Variants in PLCE1 observed in about 807,000 individuals in gnomAD.
The protein encoded by PLCE1 is 1-phosphatidylinositol 4,5-bisphosphate phosphodiesterase epsilon-1.
A neutral mutation model predicts 242.8 loss-of-function variants in PLCE1; 119 were observed. The observed-to-expected ratio is 0.49, with a 90% CI of 0.42 to 0.57. The LOEUF is 0.57. Ranked by LOEUF, PLCE1 falls within the 20% of genes least tolerant of loss-of-function variation. The pLI, the probability that PLCE1 is intolerant of heterozygous loss-of-function variation, is 0.00. For missense variants in PLCE1, 2,441 were observed against 2,788.8 expected (o/e 0.88, Z 2.81); for synonymous variants, 945 against 1,017.4 (o/e 0.93, Z 1.35).
chr10:94,283,978 T>A, intron 21 of PLCE1, 67 bp downstream of exon 21: 3 of 1,557,468 alleles, frequency 1.9e-6, no homozygotes, highest in Non-Finnish European at 2.6e-6. Flanking sequence ...TCAGATGAGA[T>A]TCCACTTGCT....
intron 2 of PLCE1, among the ~76,000 whole-genome samples, chr10:94,090,778 C>T (rs2045036474): frequency 6.6e-6 from 1 of 152,138 alleles, no homozygotes; most frequent in African/African-American, 2.4e-5. Context: ...TGGAAACAGA[C>T]TGGCAGCAGT....
At chr10:94,231,454 CTAG>C (rs1281133080) in intron 5 of PLCE1, among the ~76,000 whole-genome samples, 1 of 152,186 alleles carries the variant, frequency 6.6e-6, no homozygotes, top group East Asian at 1.9e-4. Flanking sequence ...AAGCTTCCAA[CTAG>C]CTCTCCCTCC....
intron 2 of PLCE1, among the ~76,000 whole-genome samples, chr10:94,066,560 A>G (rs1022380896): frequency 6.6e-6 from 1 of 152,078 alleles, no homozygotes; most frequent in African/African-American, 2.4e-5. Flanking sequence ...TGAAGTGGCC[A>G]TGCCCTTCTG....
At chr10:94,056,898 C>T (rs2043921024) in intron 2 of PLCE1, among the ~76,000 whole-genome samples, 1 of 143,104 alleles carries the variant, frequency 7.0e-6, no homozygotes, top group Non-Finnish European at 1.5e-5. Context: ...TATGGAATCA[C>T]GCAATGTTTG....
intron 3 of PLCE1, among the ~76,000 whole-genome samples, chr10:94,146,324 C>A (rs544791002): frequency 2.6e-5 from 4 of 152,094 alleles, no homozygotes; most frequent in African/African-American, 9.6e-5. Flanking sequence ...TTAGCATCAC[C>A]GGGAGAAAAA....
intron 2 of PLCE1, among the ~76,000 whole-genome samples, chr10:94,038,118 C>T (rs1408359229): frequency 1.3e-5 from 2 of 152,084 alleles, no homozygotes; most frequent in Non-Finnish European, 2.9e-5. Context: ...ACTCAAGCTG[C>T]CCTTTGAATG....
intron 13 of PLCE1, among the ~76,000 whole-genome samples, chr10:94,260,442 CA>C (rs1349225750): frequency 1.3e-5 from 2 of 152,102 alleles, no homozygotes; most frequent in Non-Finnish European, 2.9e-5. Flanking sequence ...AATAGCAAAA[CA>C]AAAAACTTTC....
chr10:94,100,563 C>T (rs2045493431), intron 2 of PLCE1: 1 of 152,150 alleles, frequency 6.6e-6, no homozygotes, highest in African/African-American at 2.4e-5. Context: ...TGGTGTAAAA[C>T]AATGAAATCA....
At chr10:94,303,107 T>C (rs555425005) in intron 24 of PLCE1, among the ~76,000 whole-genome samples, 25 of 152,242 alleles carry the variant, frequency 1.6e-4, no homozygotes, top group Non-Finnish European at 2.5e-4. Context: ...TAAGACATCT[T>C]ACACTAGGAA....
intron 8 of PLCE1, among the ~76,000 whole-genome samples, 173 bp from the exon 9 acceptor site, chr10:94,252,143 T>C (rs2050900844): frequency 6.6e-6 from 1 of 152,228 alleles, no homozygotes; most frequent in Non-Finnish European, 1.5e-5. Context: ...ATGATGAAAT[T>C]CCTGACAGAG....
In PLCE1 at chr10:94,313,269, G is replaced by C. The variant is rs779637729; in HGVS notation, c.6019G>C (p.Glu2007Gln). 1.2e-6 allele frequency: 2 copies of C among 1,614,112 alleles called. No homozygotes were observed. The highest frequency in any genetic ancestry group is 1.7e-6 in the Non-Finnish European group (2 of 1,179,980). Residue 2007 changes from glutamate (E) to glutamine (Q), a missense_variant, in exon 28 of 33, where the codon GAA (glutamate) becomes CAA (glutamine). This residue lies in a region of PLCE1 where 1,004 missense variants were observed against 1,322.7 expected (regional missense o/e 0.76). Coordinates refer to ENST00000371380, the MANE Select transcript of PLCE1 (RefSeq NM_016341.4). ...MSASSMFNTE[E>Q]RKCLQTHRVT... is the part of the protein sequence containing the mutation. ...TTCTTGACAGATGTTTAATACAGAAGAAAGAAAATGTTTGCAGACTCACAG... is the reference window on the plus strand; with the variant it reads ...TTCTTGACAGATGTTTAATACAGAACAAAGAAAATGTTTGCAGACTCACAG...
chr10:94,313,747 G>A (rs193283795), intron 28 of PLCE1, among the ~76,000 whole-genome samples: 6 of 150,772 alleles, frequency 4.0e-5, no homozygotes, highest in East Asian at 4.0e-4. Flanking sequence ...CCTTCTTCAC[G>A]CAGAGATTAT....
In PLCE1 at chr10:94,252,372, C is replaced by T; in HGVS notation, c.3153C>T (p.Gly1051=). The T allele has an allele frequency of 1.2e-6, 2 of 1,614,058 alleles. No homozygotes were observed. The highest frequency in any genetic ancestry group is 1.7e-6 in the Non-Finnish European group (2 of 1,179,976). ...TLAHAVELFG[G]RRWSARNPSP... ...CTCACGCTGTGGAGTTGTTTGGTGG[C>T]AGACGGTGGAGTGCTCGAAACCCCA... is the stretch of plus-strand genomic sequence containing the variant. The change falls in exon 9 of 33, where the codon GGC becomes GGT. Residue 1051 remains glycine, a synonymous_variant. Coordinates refer to ENST00000371380, the MANE Select transcript of PLCE1 (RefSeq NM_016341.4).
At chr10:94,262,216 G>A (rs887828760) in intron 13 of PLCE1, among the ~76,000 whole-genome samples, 1 of 151,908 alleles carries the variant, frequency 6.6e-6, no homozygotes, top group Non-Finnish European at 1.5e-5. Context: ...GGCCAGGCTG[G>A]TCTTGAGCTC....
chr10:94,243,894 C>T (rs1432494272), intron 7 of PLCE1, among the ~76,000 whole-genome samples: 5 of 152,174 alleles, frequency 3.3e-5, no homozygotes, highest in Non-Finnish European at 5.9e-5. Flanking sequence ...ATACCATATG[C>T]ATTCTTGTGT....
chr10:94,001,659 A>G (rs914238052), intron 1 of PLCE1, among the ~76,000 whole-genome samples: 1 of 152,252 alleles, frequency 6.6e-6, no homozygotes, highest in African/African-American at 2.4e-5. Context: ...AATATCACAT[A>G]ACATGGCTTA....
chr10:94,217,062 T>C (rs780277395), intron 4 of PLCE1, among the ~76,000 whole-genome samples: 47 of 149,290 alleles, frequency 3.1e-4, no homozygotes, highest in Admixed American at 8.7e-4. Context: ...AAAGAGAAAA[T>C]GGAAGGCAGT....
At chr10:94,100,145 A>G (rs1457265551) in intron 2 of PLCE1, 1 of 152,198 alleles carries the variant, frequency 6.6e-6, no homozygotes, top group Non-Finnish European at 1.5e-5. Context: ...AAAGGACTTT[A>G]TGATATAGGC....
At chr10:94,159,062 G>T (rs998112967) in intron 3 of PLCE1, among the ~76,000 whole-genome samples, 3 of 151,212 alleles carry the variant, frequency 2.0e-5, no homozygotes, top group African/African-American at 4.9e-5. Flanking sequence ...AGCAAAAGTT[G>T]TTTTTTTTAT....
Sources: gnomAD v4.1 joint callset for allele counts (sites outside exome capture counted in the v4.1 genomes callset) on GRCh38, gnomAD v4.1.1 for gene constraint, gnomAD v4.1.1 regional missense constraint, MANE v1.5 for transcripts, NCBI Gene and HGNC (gene_info 2026-07-23, HGNC 2026-07-21) for gene names.